The following GALNT13 variants were observed in gnomAD, a reference collection of about 807,000 sequenced individuals.
GALNT13 encodes the protein UDP-GalNAc:polypeptide N-acetylgalactosaminyltransferase 13.
In GALNT13, 28 loss-of-function variants were observed where a neutral mutation model predicts 64.2. The observed-to-expected ratio is 0.44, with a 90% CI of 0.32 to 0.60. The LOEUF is 0.60. GALNT13 is among the 20% of genes least tolerant of loss of function. The pLI, the probability that GALNT13 is intolerant of heterozygous loss-of-function variation, is 0.05. For missense variants in GALNT13, 577 were observed against 669.8 expected (o/e 0.86, Z 1.53); for synonymous variants, 214 against 224.6 (o/e 0.95, Z 0.42).
At chr2:153,764,691 G>A in the GALNT13 span, among the ~76,000 whole-genome samples, 12 of 152,230 alleles carry the variant, frequency 7.9e-5, no homozygotes, top group African/African-American at 2.7e-4. Flanking sequence ...CCATGACAAT[G>A]GGGAAAATGT....
chr2:153,169,147 A>G, the GALNT13 span, among the ~76,000 whole-genome samples: 6 of 152,238 alleles, frequency 3.9e-5, no homozygotes, highest in African/African-American at 9.6e-5. Context: ...GATATGCACC[A>G]TACCTATTTG....
the GALNT13 span, among the ~76,000 whole-genome samples, chr2:153,203,873 C>T: frequency 4.3e-5 from 3 of 70,204 alleles, no homozygotes; most frequent in Non-Finnish European, 1.5e-4. Flanking sequence ...TGTAGCGTGT[C>T]TACACACACA....
At chr2:153,181,030 CT>C in the GALNT13 span, among the ~76,000 whole-genome samples, 5,365 of 32,010 alleles carry the variant, frequency 0.17, 270 homozygotes, top group African/African-American at 0.27. Context: ...TTTATTGTTT[CT>C]TTTTTTTTTT....
intron 4 of GALNT13, among the ~76,000 whole-genome samples, chr2:154,220,096 G>T (rs762512752): frequency 2.0e-5 from 3 of 151,994 alleles, no homozygotes; most frequent in Non-Finnish European, 4.4e-5. Context: ...TACCAAATGG[G>T]CTATGCAAGC....
chr2:154,082,984 C>T (rs1020863347), intron 3 of GALNT13, among the ~76,000 whole-genome samples: 1 of 151,988 alleles, frequency 6.6e-6, no homozygotes, highest in Non-Finnish European at 1.5e-5. Flanking sequence ...GAAGTCTTTG[C>T]ACATGCCTTT....
the GALNT13 span, among the ~76,000 whole-genome samples, chr2:153,301,308 T>TGAAAAAAAAAAAAA: frequency 7.0e-5 from 1 of 14,268 alleles, no homozygotes; most frequent in African/African-American, 1.2e-3. Flanking sequence ...AGACTCCTTC[T>TGAAAAAAAAAAAAA]CAAAAAAAAA....
chr2:153,671,113 G>A, the GALNT13 span, among the ~76,000 whole-genome samples: 1 of 152,070 alleles, frequency 6.6e-6, no homozygotes, highest in South Asian at 2.1e-4. Flanking sequence ...TGGAACCAAG[G>A]TAGAAAACAC....
the GALNT13 span, among the ~76,000 whole-genome samples, chr2:153,549,459 C>T: frequency 6.6e-6 from 1 of 152,284 alleles, no homozygotes; most frequent in South Asian, 2.1e-4. Flanking sequence ...CTCCTTGAAA[C>T]TGAGATGGCC....
At chr2:154,270,511 G>A (rs1168326495) in intron 8 of GALNT13, among the ~76,000 whole-genome samples, 1 of 151,556 alleles carries the variant, frequency 6.6e-6, no homozygotes, top group East Asian at 1.9e-4. Context: ...CATCCTAAGA[G>A]ATTACTAACA....
the GALNT13 span, among the ~76,000 whole-genome samples, chr2:153,229,640 A>G: frequency 1.3e-5 from 2 of 152,202 alleles, no homozygotes; most frequent in African/African-American, 4.8e-5. Flanking sequence ...AGACTGCTAT[A>G]TACTTTCCTT....
At chr2:153,889,977 T>C (rs1480964453) in intron 1 of GALNT13, among the ~76,000 whole-genome samples, 1 of 151,750 alleles carries the variant, frequency 6.6e-6, no homozygotes, top group Non-Finnish European at 1.5e-5. Context: ...GCACTTCTGC[T>C]TGCTTCCTGT....
chr2:153,600,907 C>T, the GALNT13 span, among the ~76,000 whole-genome samples: 2 of 151,862 alleles, frequency 1.3e-5, no homozygotes, highest in Non-Finnish European at 2.9e-5. Flanking sequence ...GTGAAATAAT[C>T]CTCCCTAATT....
At chr2:154,166,838 G>A (rs1685054249) in intron 4 of GALNT13, among the ~76,000 whole-genome samples, 1 of 152,160 alleles carries the variant, frequency 6.6e-6, no homozygotes, top group Non-Finnish European at 1.5e-5. Flanking sequence ...GGACATAGAT[G>A]AAGCTGGAAA....
chr2:154,322,143 A>C (rs1383768003), intron 9 of GALNT13, among the ~76,000 whole-genome samples: 1 of 17,970 alleles, frequency 5.6e-5, no homozygotes, highest in Middle Eastern at 0.038. Flanking sequence ...TAAAATATGT[A>C]CTTTTTTTTT....
At chr2:153,205,450 C>G in the GALNT13 span, among the ~76,000 whole-genome samples, 1 of 151,996 alleles carries the variant, frequency 6.6e-6, no homozygotes, top group Non-Finnish European at 1.5e-5. Context: ...AGATTATGCT[C>G]AAAAAATGTT....
the GALNT13 span, among the ~76,000 whole-genome samples, chr2:153,261,294 T>C: frequency 6.6e-6 from 1 of 152,166 alleles, no homozygotes; most frequent in East Asian, 1.9e-4. Flanking sequence ...CATTAAAGAA[T>C]TAGGTATTTA....
chr2:154,429,307 T>A (rs1700608267), intron 11 of GALNT13, among the ~76,000 whole-genome samples: 1 of 151,874 alleles, frequency 6.6e-6, no homozygotes, highest in African/African-American at 2.4e-5. Flanking sequence ...AAAGGAAAAA[T>A]TCTTGAAGGA....
chr2:154,415,971 A>G (rs1458759524), intron 11 of GALNT13, among the ~76,000 whole-genome samples: 1 of 152,120 alleles, frequency 6.6e-6, no homozygotes. Context: ...AGGAAAATCT[A>G]CCATTCATTA....
At chr2:154,445,828 G>A (rs1701539652) in intron 12 of GALNT13, 3 of 1,288,316 alleles carry the variant, frequency 2.3e-6, no homozygotes, top group South Asian at 2.5e-5. Flanking sequence ...CCAAGGGCAG[G>A]CACGGAGCTT....
Sources: gnomAD v4.1 joint callset for allele counts (sites outside exome capture counted in the v4.1 genomes callset) on GRCh38, gnomAD v4.1.1 for gene constraint, MANE v1.5 for transcripts, NCBI Gene and HGNC (gene_info 2026-07-23, HGNC 2026-07-21) for gene names.